The following PKHD1 variants were observed in gnomAD, a reference collection of about 807,000 sequenced individuals.
PKHD1 encodes fibrocystin.
Under a neutral mutation model 412.0 loss-of-function variants are expected in PKHD1, and 291 were observed. The observed-to-expected ratio is 0.71, with a 90% CI of 0.64 to 0.78. The LOEUF (loss-of-function observed/expected upper bound fraction) is 0.78. PKHD1 is among the 30% of genes least tolerant of loss of function. The pLI, the probability that PKHD1 is intolerant of heterozygous loss-of-function variation, is 0.00. For missense variants in PKHD1, 4,825 were observed against 4,950.7 expected (o/e 0.97, Z 0.76); for synonymous variants, 1,777 against 1,821.5 (o/e 0.98, Z 0.62).
intron 60 of PKHD1, among the ~76,000 whole-genome samples, chr6:51,738,801 C>T (rs772558566): frequency 2.0e-5 from 3 of 152,052 alleles, no homozygotes; most frequent in East Asian, 1.9e-4. Context: ...GAGTCCCTGC[C>T]CTGGCTGCTC....
chr6:52,082,177 A>G (rs953454985), intron 4 of PKHD1, among the ~76,000 whole-genome samples: 1 of 152,146 alleles, frequency 6.6e-6, no homozygotes, highest in African/African-American at 2.4e-5. Flanking sequence ...CTCCTTACGA[A>G]TATCTCAAAG....
chr6:51,847,219 C>T (rs1771329624), intron 50 of PKHD1, among the ~76,000 whole-genome samples: 1 of 151,676 alleles, frequency 6.6e-6, no homozygotes, highest in African/African-American at 2.4e-5. Flanking sequence ...CCTTAGCCTT[C>T]CAAGTAGCTG....
At chr6:51,691,177 A>C (rs1778110753) in intron 60 of PKHD1, among the ~76,000 whole-genome samples, 1 of 55,462 alleles carries the variant, frequency 1.8e-5, no homozygotes, top group Non-Finnish European at 6.3e-5. Context: ...AAAGTTGTGG[A>C]GAAAAAAGGA....
intron 60 of PKHD1, among the ~76,000 whole-genome samples, chr6:51,674,601 ACTT>A (rs1202094842): frequency 6.6e-6 from 1 of 152,158 alleles, no homozygotes; most frequent in African/African-American, 2.4e-5. Context: ...ATATTTCTAA[ACTT>A]CTACCTGTCC....
At position 51,900,362 on chromosome 6, in the gene PKHD1, C is replaced by T. The variant is rs923844030; in HGVS notation, c.6996+3235G>A. On this transcript the variant is annotated intron_variant, in intron 43 of 66. Coordinates refer to ENST00000371117, the MANE Select transcript of PKHD1 (RefSeq NM_138694.4). ...AACAGAACAGAGCCCTCAGAAATAACGCTGCATATCTACAACTATCTGATC... is the reference window on the plus strand; with the variant it reads ...AACAGAACAGAGCCCTCAGAAATAATGCTGCATATCTACAACTATCTGATC... Among the ~76,000 whole-genome samples, 54 of 152,082 alleles carry T rather than the reference C, an allele frequency of 3.6e-4. No homozygotes were observed. In the East Asian group the frequency reaches 3.9e-3, roughly 11 times the overall value.
intron 51 of PKHD1, among the ~76,000 whole-genome samples, chr6:51,835,096 CA>C (rs1345952141): frequency 6.6e-6 from 1 of 152,202 alleles, no homozygotes; most frequent in African/African-American, 2.4e-5. Context: ...TTGTAATTGA[CA>C]GTTGTAATGC....
intron 61 of PKHD1, among the ~76,000 whole-genome samples, chr6:51,656,084 A>G (rs1054286452): frequency 3.3e-5 from 5 of 152,206 alleles, no homozygotes; most frequent in African/African-American, 1.2e-4. Context: ...AAAGACTTGG[A>G]ACCAACCCAA....
At chr6:51,727,603 G>A (rs1038427590) in intron 60 of PKHD1, among the ~76,000 whole-genome samples, 1 of 152,168 alleles carries the variant, frequency 6.6e-6, no homozygotes, top group Non-Finnish European at 1.5e-5. Context: ...CATATGCAGT[G>A]CCCTCCTTAC....
At chr6:51,765,887 C>T (rs1788909433) in intron 55 of PKHD1, among the ~76,000 whole-genome samples, 1 of 152,116 alleles carries the variant, frequency 6.6e-6, no homozygotes, top group African/African-American at 2.4e-5. Flanking sequence ...GGCTAGAACA[C>T]CGTTTCCACA....
At chr6:51,834,474 C>T (rs1768835288) in intron 51 of PKHD1, among the ~76,000 whole-genome samples, 2 of 151,954 alleles carry the variant, frequency 1.3e-5, no homozygotes, top group Admixed American at 1.3e-4. Context: ...AGATGGTTAA[C>T]TCATTCAAAC....
intron 11 of PKHD1, among the ~76,000 whole-genome samples, chr6:52,067,542 C>T (rs910075647): frequency 3.3e-5 from 5 of 151,806 alleles, no homozygotes; most frequent in African/African-American, 1.2e-4. Context: ...TACCTTGGGT[C>T]GGAGAAATTA....
chr6:51,899,775 C>T (rs1780911957), intron 43 of PKHD1, among the ~76,000 whole-genome samples: 1 of 152,220 alleles, frequency 6.6e-6, no homozygotes, highest in South Asian at 2.1e-4. Context: ...GCCCCATTGT[C>T]TCAGCCCAAA....
chr6:51,971,644 A>G (rs1793679050), intron 35 of PKHD1, among the ~76,000 whole-genome samples: 1 of 152,198 alleles, frequency 6.6e-6, no homozygotes, highest in South Asian at 2.1e-4. Context: ...GAACATGGCC[A>G]GGATATGTGT....
At chr6:51,935,906 C>G (rs144429439) in intron 36 of PKHD1, among the ~76,000 whole-genome samples, 250 of 152,292 alleles carry the variant, frequency 1.6e-3, no homozygotes, top group African/African-American at 5.8e-3. Context: ...TCCCTTGTTA[C>G]TATTCAAATG....
rs758960742 is a variant in PKHD1, at chr6:52,027,848, A to G, written c.3609T>C (p.Pro1203=). Residue 1203 remains proline, a synonymous_variant, in exon 31 of 67, where the codon CCT becomes CCC. Coordinates refer to ENST00000371117, the MANE Select transcript of PKHD1 (RefSeq NM_138694.4). ...ACTCACCCAGCAGGGACCCACAGCA[A>G]GGCTCGATGCTGAAAACTTCTGTGA... ...QYLTEVFSIE[P]CCGSLLGGTI... is the part of the protein sequence containing the mutation. The G allele has an allele frequency of 1.6e-5, 26 of 1,612,842 alleles. No individual in the cohort carries two copies. The highest frequency in any genetic ancestry group is 4.0e-5 in the African/African-American group (3 of 74,888).
At chr6:51,883,354 C>T (rs2127542383) in intron 45 of PKHD1, 127 bp from the exon 46 acceptor site, 2 of 846,398 alleles carry the variant, frequency 2.4e-6, no homozygotes, top group South Asian at 1.5e-5. Context: ...ACCTTTTGTC[C>T]ATCAATGTCA....
intron 54 of PKHD1, among the ~76,000 whole-genome samples, chr6:51,775,301 T>G (rs1790827488): frequency 6.6e-6 from 1 of 151,802 alleles, no homozygotes; most frequent in South Asian, 2.1e-4. Context: ...CTCTTATGCC[T>G]CAAAACTGAG....
At chr6:52,050,039 G>T in intron 22 of PKHD1, 118 bp downstream of exon 22, 1 of 929,660 alleles carries the variant, frequency 1.1e-6, no homozygotes, top group Non-Finnish European at 1.7e-6. Context: ...TCAAGATTGA[G>T]AACATTGCTT....
chr6:51,753,134 G>T, intron 57 of PKHD1, 67 bp downstream of exon 57: 1 of 1,356,064 alleles, frequency 7.4e-7, no homozygotes, highest in Non-Finnish European at 1.1e-6. Flanking sequence ...TCACAGTTGG[G>T]ATTTCTGGGT....
Sources: allele counts gnomAD v4.1 joint callset (sites outside exome capture counted in the v4.1 genomes callset), GRCh38; gene constraint gnomAD v4.1.1; transcripts MANE v1.5; gene names NCBI Gene and HGNC (gene_info 2026-07-23, HGNC 2026-07-21).